Variants in CREB3L1 observed in about 807,000 individuals in gnomAD.
The protein encoded by CREB3L1 is cyclic AMP-responsive element-binding protein 3-like protein 1.
Under a neutral mutation model 54.5 loss-of-function variants are expected in CREB3L1, and 33 were observed. The observed-to-expected ratio is 0.61, with a 90% CI of 0.46 to 0.81. The LOEUF (loss-of-function observed/expected upper bound fraction) is 0.81. Ranked by LOEUF, CREB3L1 falls within the 30% of genes least tolerant of loss-of-function variation. The pLI, the probability that CREB3L1 is intolerant of heterozygous loss-of-function variation, is 0.00. For missense variants in CREB3L1, 656 were observed against 673.3 expected (o/e 0.97, Z 0.29); for synonymous variants, 284 against 286.4 (o/e 0.99, Z 0.08).
intron 9 of CREB3L1, 122 bp from the exon 10 acceptor site, chr11:46,317,239 C>A: frequency 7.6e-7 from 1 of 1,316,628 alleles, no homozygotes; most frequent in Non-Finnish European, 1.1e-6. Context: ...ACTGGAGCAG[C>A]TGCTTCCTTG....
chr11:46,297,873 C>T (rs1339836113), intron 1 of CREB3L1, among the ~76,000 whole-genome samples: 1 of 152,184 alleles, frequency 6.6e-6, no homozygotes, highest in African/African-American at 2.4e-5. Flanking sequence ...ATGACGATAA[C>T]TAACAATGAT....
At position 46,278,218 on chromosome 11, in the gene CREB3L1, G is replaced by A; in HGVS notation, c.102+5G>A. ...TCGGACTTCCTCAACAATGCGGTAA[G>A]ATGAAGGGTCTCCGTTCCCGTTCCA... is the stretch of plus-strand genomic sequence containing the variant. On this transcript the variant is annotated splice_donor_5th_base_variant and intron_variant, in intron 1 of 11. Transcript: ENST00000621158. This position sits in a 1 kb window ranked among gnomAD's most constrained non-coding sequence, Gnocchi z 4.2. The A allele has an allele frequency of 6.5e-7, 1 of 1,544,814 alleles. No homozygotes were observed. Among genetic ancestry groups the A allele is most frequent in the East Asian group, 2.5e-5 (1 of 40,384 alleles).
chr11:46,316,775 C>T (rs1939573200), intron 9 of CREB3L1, among the ~76,000 whole-genome samples: 1 of 152,136 alleles, frequency 6.6e-6, no homozygotes, highest in African/African-American at 2.4e-5. Context: ...TGAGGAAACC[C>T]CTGGAAACCC....
rs1317239450 is a variant in CREB3L1 at position 46,320,973 on chromosome 11, A to G, written c.*227A>G. On this transcript the variant is annotated 3_prime_UTR_variant, in exon 12 of 12. Transcript: ENST00000621158. ...ACCAACATCCATCCGTCCTTCTCAG[A>G]CAAACCACTCACTGGGTACCCCACC... The G allele has an allele frequency of 8.9e-6, 6 of 671,318 alleles. No individual in the cohort carries two copies. The Admixed American group carries it at 1.0e-4, about 12-fold the overall frequency. The allele number at this position is 671,318 out of a possible 1,614,324, so 41.6% of individuals were successfully genotyped here.
chr11:46,311,791 T>C (rs189509652), intron 5 of CREB3L1, among the ~76,000 whole-genome samples: 69 of 152,314 alleles, frequency 4.5e-4, no homozygotes, highest in Non-Finnish European at 9.3e-4. Context: ...CCACCGCATC[T>C]GGTCAGGAAT....
At chr11:46,308,741 G>T (rs747592500) in intron 3 of CREB3L1, among the ~76,000 whole-genome samples, 38 of 152,224 alleles carry the variant, frequency 2.5e-4, no homozygotes, top group Admixed American at 1.2e-3. Context: ...TGGCCACACG[G>T]CTCACTTGCT....
chr11:46,317,529 G>T (rs1939586172), intron 10 of CREB3L1, 42 bp downstream of exon 10: 1 of 1,599,256 alleles, frequency 6.3e-7, no homozygotes, highest in Non-Finnish European at 8.5e-7. Flanking sequence ...GGCTGAGGCT[G>T]CCCTGCCCCA....
Position 46,277,700 on chromosome 11 carries a change from A to G in CREB3L1, c.-412A>G. The G allele has an allele frequency of 4.9e-6, 1 of 204,864 alleles. No individual in the cohort carries two copies. The highest frequency in any genetic ancestry group is 1.0e-5 in the Non-Finnish European group (1 of 100,418). 12.7% of individuals were successfully genotyped at this position (204,864 alleles called of 1,614,324 possible). The stretch of plus-strand genomic sequence containing the variant: ...ACAGAAGACGTGCGGAGGGAGACGC[A>G]GAGACAGAGGAGAGGCCGGCAGCCA... On this transcript the variant is annotated 5_prime_UTR_variant, in exon 1 of 12. Coordinates refer to ENST00000621158, the MANE Select transcript of CREB3L1 (RefSeq NM_052854.4).
chr11:46,300,706 A>C (rs1296280661), intron 2 of CREB3L1, among the ~76,000 whole-genome samples: 1 of 152,002 alleles, frequency 6.6e-6, no homozygotes, highest in East Asian at 1.9e-4. Context: ...CCCCGTCTCT[A>C]CTAAAAAAAA....
chr11:46,281,256 T>C (rs1938967213), intron 1 of CREB3L1, among the ~76,000 whole-genome samples: 1 of 152,210 alleles, frequency 6.6e-6, no homozygotes, highest in Non-Finnish European at 1.5e-5. Context: ...CACTGTACTC[T>C]GTGGTCCTTC....
intron 1 of CREB3L1, among the ~76,000 whole-genome samples, chr11:46,283,656 G>GA (rs1169057509): frequency 1.3e-5 from 2 of 152,150 alleles, no homozygotes; most frequent in Non-Finnish European, 2.9e-5. Flanking sequence ...GAGGCAGGGG[G>GA]ATCACTTGAG....
chr11:46,301,095 G>A (rs147459355), intron 2 of CREB3L1, among the ~76,000 whole-genome samples: 2,584 of 150,444 alleles, frequency 0.017, 36 homozygotes, highest in African/African-American at 0.038. Flanking sequence ...CAGGAGAATC[G>A]CTTGAACCCA....
At chr11:46,301,952 A>G (rs1299268552) in intron 2 of CREB3L1, among the ~76,000 whole-genome samples, 1 of 151,846 alleles carries the variant, frequency 6.6e-6, no homozygotes, top group Non-Finnish European at 1.5e-5. Flanking sequence ...CTCTGTCTCA[A>G]AAATAATAAT....
rs376081099 is a variant in CREB3L1 at position 46,311,088 on chromosome 11, G to A, written c.652G>A (p.Gly218Ser). The stretch of plus-strand genomic sequence containing the variant: ...CAGCAGCCATGGCAGTGACAGCGAC[G>A]GCTCCCAGAGTCCCCGCTCTCTGCC... The part of the protein sequence containing the change: ...PPSSHGSDSD[G>S]SQSPRSLPPS... The change falls in exon 5 of 12, where the codon GGC becomes AGC. Residue 218 changes from glycine (G) to serine (S), a missense_variant. Physicochemically the swap from Gly to Ser is moderately conservative, Grantham distance 56 (BLOSUM62 0). Coordinates refer to ENST00000621158, the MANE Select transcript of CREB3L1 (RefSeq NM_052854.4). 14 of 1,609,284 alleles carry A rather than the reference G, an allele frequency of 8.7e-6. No individual in the cohort carries two copies. Among genetic ancestry groups the A allele is most frequent in the African/African-American group, 1.3e-5 (1 of 74,798 alleles).
At chr11:46,299,505 C>T (rs1939261031) in intron 1 of CREB3L1, among the ~76,000 whole-genome samples, 1 of 152,200 alleles carries the variant, frequency 6.6e-6, no homozygotes. Flanking sequence ...GGCGTAGACA[C>T]ACGGTTGTTC....
intron 1 of CREB3L1, among the ~76,000 whole-genome samples, chr11:46,285,564 C>T (rs1939043313): frequency 6.6e-6 from 1 of 152,164 alleles, no homozygotes; most frequent in African/African-American, 2.4e-5. Flanking sequence ...ATCTTGATCC[C>T]CACCACCTAG....
chr11:46,279,695 G>A (rs1389218269), intron 1 of CREB3L1, among the ~76,000 whole-genome samples: 2 of 152,100 alleles, frequency 1.3e-5, no homozygotes, highest in Non-Finnish European at 2.9e-5. Context: ...CAGGGATCGG[G>A]GGATCCACAC....
intron 2 of CREB3L1, among the ~76,000 whole-genome samples, chr11:46,303,135 A>G (rs1455321446): frequency 6.6e-6 from 1 of 152,228 alleles, no homozygotes; most frequent in Admixed American, 6.5e-5. Context: ...AAGGGCAGCC[A>G]GGGCTATTTG....
At position 46,307,886 on chromosome 11, in the gene CREB3L1, G is replaced by C. The variant is rs374926737; in HGVS notation, c.402G>C (p.Pro134=). The C allele has an allele frequency of 9.5e-6, 15 of 1,580,200 alleles. No homozygotes were observed. In the African/African-American group the frequency reaches 1.6e-4, roughly 17 times the overall value. The part of the protein sequence containing the change: ...CSIMVKQEQS[P]ELPVDPLAAP... ...TCATGGTGAAGCAGGAGCAGAGCCC[G>C]GAGCTGCCCGTGGACCCTCTGGCTG... Residue 134 remains proline (P), a synonymous_variant, in exon 3 of 12, where the codon CCG becomes CCC. Coordinates refer to ENST00000621158, the MANE Select transcript of CREB3L1 (RefSeq NM_052854.4).
Sources: gnomAD v4.1 joint callset for allele counts (sites outside exome capture counted in the v4.1 genomes callset) on GRCh38, gnomAD v4.1.1 for gene constraint, Gnocchi (gnomAD v3.1) non-coding constraint, MANE v1.5 for transcripts, NCBI Gene and HGNC (gene_info 2026-07-23, HGNC 2026-07-21) for gene names.